NXPH1: variants seen among roughly 807,000 people sequenced by gnomAD.
NXPH1 encodes the protein neurexophilin 1.
NXPH1 carries 5 observed loss-of-function variants against 23.7 expected under a neutral mutation model. The observed-to-expected ratio is 0.21, with a 90% confidence interval of 0.11 to 0.44. The LOEUF (loss-of-function observed/expected upper bound fraction) is 0.44. Ranked by LOEUF, NXPH1 falls within the 20% of genes least tolerant of loss-of-function variation. The pLI is 0.99. For missense variants in NXPH1, 324 were observed against 321.6 expected, an observed-to-expected ratio of 1.01 and a Z score of -0.06; for synonymous variants, 144 against 122.2, an observed-to-expected ratio of 1.18 and a Z score of -1.18.
At chr7:8,615,219 C>T (rs920694402) in intron 2 of NXPH1, among the ~76,000 whole-genome samples, 3 of 152,012 alleles carry the variant, frequency 2.0e-5, no homozygotes, top group East Asian at 3.9e-4. Flanking sequence ...AATGGGATTG[C>T]GGGAGCTAAA....
At chr7:8,728,129 GCT>G (rs1780087524) in intron 2 of NXPH1, among the ~76,000 whole-genome samples, 1 of 151,258 alleles carries the variant, frequency 6.6e-6, no homozygotes, top group Non-Finnish European at 1.5e-5. Context: ...TCATGATTTG[GCT>G]CTCTGTTTGT....
chr7:8,739,185 A>C (rs983514371), intron 2 of NXPH1, among the ~76,000 whole-genome samples: 3 of 147,042 alleles, frequency 2.0e-5, no homozygotes, highest in South Asian at 2.1e-4. Flanking sequence ...AAAAAAAAAA[A>C]AAAAAAAAAA....
chr7:8,460,349 TTATATC>T (rs1816672104), intron 2 of NXPH1, among the ~76,000 whole-genome samples: 1 of 152,200 alleles, frequency 6.6e-6, no homozygotes, highest in Non-Finnish European at 1.5e-5. Context: ...GGGACTGTCT[TTATATC>T]TATCTTTCCT....
intron 2 of NXPH1, among the ~76,000 whole-genome samples, chr7:8,638,231 G>T (rs769991636): frequency 6.6e-6 from 1 of 152,148 alleles, no homozygotes; most frequent in Non-Finnish European, 1.5e-5. Context: ...TAATAAAAGC[G>T]AACAAACACC....
At chr7:8,704,681 G>C (rs1779676031) in intron 2 of NXPH1, among the ~76,000 whole-genome samples, 1 of 151,780 alleles carries the variant, frequency 6.6e-6, no homozygotes, top group Admixed American at 6.6e-5. Flanking sequence ...TGGATTTTTT[G>C]GTTATAGATA....
At chr7:8,638,922 C>T (rs1292921543) in intron 2 of NXPH1, among the ~76,000 whole-genome samples, 1 of 151,638 alleles carries the variant, frequency 6.6e-6, no homozygotes, top group Non-Finnish European at 1.5e-5. Context: ...TACTCTTTGA[C>T]TATTGAGAGG....
chr7:8,496,721 G>A (rs1365900312), intron 2 of NXPH1, among the ~76,000 whole-genome samples: 1 of 152,062 alleles, frequency 6.6e-6, no homozygotes, highest in South Asian at 2.1e-4. Flanking sequence ...TGTGAGGCAT[G>A]CTTTACTTTG....
intron 2 of NXPH1, among the ~76,000 whole-genome samples, chr7:8,464,184 C>G (rs558003477): frequency 1.1e-4 from 17 of 152,232 alleles, no homozygotes; most frequent in African/African-American, 4.1e-4. Flanking sequence ...AATAATCTAT[C>G]TCCATTTAAC....
At chr7:8,673,956 TGAA>T (rs1820909871) in intron 2 of NXPH1, among the ~76,000 whole-genome samples, 2 of 152,120 alleles carry the variant, frequency 1.3e-5, no homozygotes, top group Admixed American at 6.5e-5. Context: ...TATTTATTGA[TGAA>T]GAAGTTAAAG....
In NXPH1 at chr7:8,435,725, G is replaced by C. The variant is rs781301643; in HGVS notation, c.12G>C (p.Ala4=). The change falls in exon 2 of 3, where the codon GCG becomes GCC. Residue 4 remains alanine, a synonymous_variant. Coordinates refer to ENST00000405863, the MANE Select transcript of NXPH1 (RefSeq NM_152745.3). This position sits in a 1 kb window ranked among gnomAD's most constrained non-coding sequence, Gnocchi z 5.9. ...TGAGACGCGGGAGAATGCAGGCTGC[G>C]TGCTGGTACGTGCTTTTCCTCCTGC... MQA[A]CWYVLFLLQP... 6 of 1,613,996 alleles carry C rather than the reference G, an allele frequency of 3.7e-6. No individual in the cohort carries two copies. Among genetic ancestry groups the C allele is most frequent in the Non-Finnish European group, 4.2e-6 (5 of 1,179,892 alleles).
chr7:8,655,448 C>A (rs868745924), intron 2 of NXPH1, among the ~76,000 whole-genome samples: 539 of 44,572 alleles, frequency 0.012, 8 homozygotes, highest in Admixed American at 0.018. Flanking sequence ...CTCTCTCTCT[C>A]TATACACACA....
Position 8,577,895 on chromosome 7 carries a change from T to C in NXPH1, c.54+142128T>C, listed in dbSNP as rs562124430. 1.2e-4 allele frequency among the ~76,000 whole-genome samples: 18 copies of C among 152,288 alleles called. No individual in the cohort carries two copies. The East Asian group carries it at 1.9e-3, about 16-fold the overall frequency. ...GACTGAGGCTACTTATCGTACCAAA[T>C]TGTGAGCCACATGAGTGAGCAGACA... On this transcript the variant is annotated intron_variant, in intron 2 of 2. Coordinates refer to ENST00000405863, the MANE Select transcript of NXPH1 (RefSeq NM_152745.3).
At chr7:8,453,583 T>C (rs1816542338) in intron 2 of NXPH1, among the ~76,000 whole-genome samples, 1 of 152,170 alleles carries the variant, frequency 6.6e-6, no homozygotes, top group South Asian at 2.1e-4. Context: ...CTTAGAGGAA[T>C]ATTGTGTAGG....
chr7:8,655,568 A>G lies in NXPH1; in HGVS notation c.55-95440A>G, dbSNP rs950122693. ...CTTTTTCATCTCAATGTGTAAATGC[A>G]TGTGTGTGTGTGTGTGTGTGTGTGT... On this transcript the variant is annotated intron_variant, in intron 2 of 2. Coordinates refer to ENST00000405863, the MANE Select transcript of NXPH1 (RefSeq NM_152745.3). Among the ~76,000 whole-genome samples, 7 of 37,586 alleles carry G rather than the reference A, an allele frequency of 1.9e-4. 2 individuals carry two copies. The highest frequency in any genetic ancestry group is 4.1e-4 in the African/African-American group (5 of 12,160). 24.7% of individuals were successfully genotyped at this position (37,586 alleles called of 152,430 possible). A position where few individuals can be genotyped will look rare whatever the true frequency, so the allele number is the denominator to read the frequency against.
chr7:8,462,915 AC>A (rs989033880), intron 2 of NXPH1, among the ~76,000 whole-genome samples: 2 of 152,190 alleles, frequency 1.3e-5, no homozygotes, highest in African/African-American at 4.8e-5. Context: ...TTATAGTTAG[AC>A]TAATAAAATC....
chr7:8,677,693 G>A (rs1208615247), intron 2 of NXPH1, among the ~76,000 whole-genome samples: 1 of 151,974 alleles, frequency 6.6e-6, no homozygotes, highest in African/African-American at 2.4e-5. Context: ...ACTATACAAG[G>A]CACTATATTA....
intron 2 of NXPH1, among the ~76,000 whole-genome samples, chr7:8,638,891 G>C (rs1285291663): frequency 1.3e-5 from 2 of 151,988 alleles, no homozygotes. Context: ...CTAGACCTTG[G>C]CTTGAATTAC....
In NXPH1 at chr7:8,435,267, C is replaced by G. The variant is rs769612146; in HGVS notation, c.-110-337C>G. On this transcript the variant is annotated intron_variant, in intron 1 of 2. Coordinates refer to ENST00000405863, the MANE Select transcript of NXPH1 (RefSeq NM_152745.3). This position sits in a 1 kb window ranked among gnomAD's most constrained non-coding sequence, Gnocchi z 5.9. ...CCTTTAGTCCGAGCCGCCGGGCCAC[C>G]CAACACAAGGGCAGGTCTCGCTGCC... The G allele has an allele frequency of 4.3e-6, 1 of 234,396 alleles. No homozygotes were observed. 14.5% of individuals were successfully genotyped at this position (234,396 alleles called of 1,614,324 possible). A position where few individuals can be genotyped will look rare whatever the true frequency, so the allele number is the denominator to read the frequency against.
intron 2 of NXPH1, among the ~76,000 whole-genome samples, chr7:8,708,492 C>A (rs1779737823): frequency 6.6e-6 from 1 of 152,042 alleles, no homozygotes; most frequent in Non-Finnish European, 1.5e-5. Context: ...TCCCGTGTAG[C>A]TGGGATTACA....
Sources: allele counts gnomAD v4.1 joint callset (sites outside exome capture counted in the v4.1 genomes callset), GRCh38; gene constraint gnomAD v4.1.1; non-coding constraint Gnocchi (gnomAD v3.1); transcripts MANE v1.5; gene names NCBI Gene and HGNC (gene_info 2026-07-23, HGNC 2026-07-21).